Variants in SLC35F4 observed in about 807,000 individuals in gnomAD.
SLC35F4 encodes the protein solute carrier family 35 member F4.
A neutral mutation model predicts 44.2 loss-of-function variants in SLC35F4; 24 were observed. The ratio of observed to expected loss-of-function variants is 0.54; its 90% CI spans 0.39 to 0.76. SLC35F4 has a LOEUF of 0.76. Among genes scored for constraint, SLC35F4 ranks in the 30% least tolerant of loss-of-function variants. SLC35F4 has a pLI of 0.00. For synonymous variants in SLC35F4, 238 were observed against 223.6 expected, an observed-to-expected ratio of 1.06 and a Z score of -0.57; for missense variants, 562 against 586.1, an observed-to-expected ratio of 0.96 and a Z score of 0.42.
chr14:57,742,430 T>A (rs2076636238), intron 1 of SLC35F4, among the ~76,000 whole-genome samples: 1 of 152,140 alleles, frequency 6.6e-6, no homozygotes, highest in African/African-American at 2.4e-5. Flanking sequence ...AATCCTAGTC[T>A]CTGATAAAAC....
At chr14:57,883,079 G>A (rs992291581) in intron 1 of SLC35F4, among the ~76,000 whole-genome samples, 1 of 152,002 alleles carries the variant, frequency 6.6e-6, no homozygotes, top group African/African-American at 2.4e-5. Flanking sequence ...CGAGGAGGAG[G>A]AGGAGAAACA....
chr14:57,871,962 T>C (rs981078541), intron 1 of SLC35F4, among the ~76,000 whole-genome samples: 3 of 152,222 alleles, frequency 2.0e-5, no homozygotes, highest in African/African-American at 7.2e-5. Context: ...AGACATACTA[T>C]GTATGTCTAA....
chr14:57,635,388 G>A (rs1008645084), intron 1 of SLC35F4, among the ~76,000 whole-genome samples: 1 of 151,996 alleles, frequency 6.6e-6, no homozygotes, highest in Non-Finnish European at 1.5e-5. Flanking sequence ...GAGACTAAGC[G>A]GCTGATTTCA....
chr14:57,951,141 G>C (rs573456951), intron 1 of SLC35F4, among the ~76,000 whole-genome samples: 7 of 152,278 alleles, frequency 4.6e-5, no homozygotes, highest in African/African-American at 1.4e-4. Context: ...AATGGGTATA[G>C]CCCATGTAAG....
At chr14:57,664,509 A>G (rs1241254538) in intron 1 of SLC35F4, among the ~76,000 whole-genome samples, 1 of 152,086 alleles carries the variant, frequency 6.6e-6, no homozygotes, top group Non-Finnish European at 1.5e-5. Flanking sequence ...TCCACGTTCA[A>G]GTGATTTTCC....
At chr14:57,819,932 T>C (rs993941780) in intron 1 of SLC35F4, among the ~76,000 whole-genome samples, 5 of 152,082 alleles carry the variant, frequency 3.3e-5, no homozygotes, top group Non-Finnish European at 7.3e-5. Flanking sequence ...GAAAGCTGTC[T>C]TATGGAATAA....
chr14:57,775,728 CA>C (rs2077472476), intron 1 of SLC35F4, among the ~76,000 whole-genome samples: 1 of 152,216 alleles, frequency 6.6e-6, no homozygotes, highest in African/African-American at 2.4e-5. Flanking sequence ...TCTGACAACT[CA>C]AAAAGCCAGA....
intron 2 of SLC35F4, among the ~76,000 whole-genome samples, chr14:57,590,640 T>G (rs979361883): frequency 4.6e-5 from 7 of 152,140 alleles, no homozygotes; most frequent in Non-Finnish European, 1.0e-4. Context: ...GTTAACATAA[T>G]GAATTCATGT....
chr14:57,857,217 C>T (rs1595229042), intron 1 of SLC35F4, among the ~76,000 whole-genome samples: 1 of 151,704 alleles, frequency 6.6e-6, no homozygotes. Context: ...GCGGAGGTTG[C>T]AGTGAGCCAA....
At position 57,755,039 on chromosome 14, in the gene SLC35F4, G is replaced by A. The variant is rs549011513; in HGVS notation, c.103+110684C>T. The stretch of plus-strand genomic sequence containing the variant: ...AATGTAAACTTCGTGGTGTGGAATG[G>A]TTCAGCACAGGGGAGACGTGAAAGC... On this transcript the variant is annotated intron_variant, in intron 1 of 7. Transcript: ENST00000556826. 1.7e-4 allele frequency among the ~76,000 whole-genome samples: 26 copies of A among 152,322 alleles called. No individual in the cohort carries two copies. In the South Asian group the frequency reaches 5.0e-3, roughly 29 times the overall value.
chr14:57,923,802 G>C (rs1220049580), intron 1 of SLC35F4, among the ~76,000 whole-genome samples: 1 of 152,190 alleles, frequency 6.6e-6, no homozygotes, highest in Non-Finnish European at 1.5e-5. Flanking sequence ...TGGATGTTTT[G>C]GACATCACTA....
intron 1 of SLC35F4, among the ~76,000 whole-genome samples, chr14:57,932,181 G>T (rs1305685312): frequency 2.6e-5 from 4 of 152,132 alleles, no homozygotes; most frequent in Admixed American, 6.5e-5. Flanking sequence ...AGTTTAGTGA[G>T]GTTATTTGGA....
chr14:57,899,943 T>C (rs548414171), intron 1 of SLC35F4, among the ~76,000 whole-genome samples: 1 of 152,240 alleles, frequency 6.6e-6, no homozygotes, highest in Non-Finnish European at 1.5e-5. Flanking sequence ...GGGACCCAAG[T>C]GGGTTACCAC....
intron 1 of SLC35F4, among the ~76,000 whole-genome samples, chr14:57,607,250 G>A (rs947683198): frequency 6.6e-6 from 1 of 152,172 alleles, no homozygotes. Context: ...AAATAAATGG[G>A]CAGACGAGCA....
At chr14:57,664,904 CAG>C (rs1431035025) in intron 1 of SLC35F4, among the ~76,000 whole-genome samples, 6 of 152,106 alleles carry the variant, frequency 3.9e-5, no homozygotes, top group South Asian at 2.1e-4. Flanking sequence ...GGTTTGAAAA[CAG>C]AGCCTAACCA....
At chr14:57,608,259 G>A (rs1393167650) in intron 1 of SLC35F4, among the ~76,000 whole-genome samples, 1 of 152,156 alleles carries the variant, frequency 6.6e-6, no homozygotes, top group South Asian at 2.1e-4. Flanking sequence ...CTCAGTACCT[G>A]AGCATGTGAC....
At chr14:57,786,046 G>A (rs2077749604) in intron 1 of SLC35F4, among the ~76,000 whole-genome samples, 1 of 152,080 alleles carries the variant, frequency 6.6e-6, no homozygotes, top group Non-Finnish European at 1.5e-5. Flanking sequence ...CTCACCCTCT[G>A]CCTGGAAATA....
At chr14:57,633,238 A>C (rs1052062564) in intron 1 of SLC35F4, among the ~76,000 whole-genome samples, 2 of 152,162 alleles carry the variant, frequency 1.3e-5, no homozygotes, top group Non-Finnish European at 2.9e-5. Flanking sequence ...AACTCCTTTG[A>C]ATGAACACCA....
intron 1 of SLC35F4, among the ~76,000 whole-genome samples, chr14:57,659,782 T>C (rs2074078794): frequency 6.6e-6 from 1 of 152,214 alleles, no homozygotes; most frequent in Admixed American, 6.5e-5. Flanking sequence ...AAATCACAGT[T>C]AGTGTCTTAG....
Sources: gnomAD v4.1 joint callset for allele counts (sites outside exome capture counted in the v4.1 genomes callset) on GRCh38, gnomAD v4.1.1 for gene constraint, MANE v1.5 for transcripts, NCBI Gene and HGNC (gene_info 2026-07-23, HGNC 2026-07-21) for gene names.